PABPC4L: variants seen among roughly 807,000 people sequenced by gnomAD.
PABPC4L encodes polyadenylate-binding protein 4-like.
For synonymous variants in PABPC4L, 169 were observed against 164.1 expected (o/e 1.03, Z -0.23); for missense variants, 452 against 451.4 (o/e 1.00, Z -0.01).
the PABPC4L span, among the ~76,000 whole-genome samples, chr4:133,976,878 T>C: frequency 2.6e-5 from 4 of 151,974 alleles, no homozygotes; most frequent in Admixed American, 1.3e-4. Flanking sequence ...GTCAGATGGA[T>C]AGATTGCAAA....
chr4:134,180,619 GA>G, the PABPC4L span, among the ~76,000 whole-genome samples: 6 of 151,466 alleles, frequency 4.0e-5, no homozygotes, highest in African/African-American at 1.2e-4. Flanking sequence ...ATTAATGATA[GA>G]TAGACCTCTA....
chr4:134,166,589 A>T, the PABPC4L span, among the ~76,000 whole-genome samples: 15 of 152,250 alleles, frequency 9.9e-5, no homozygotes, highest in South Asian at 3.1e-3. Context: ...TGAGGGTTAC[A>T]GGGTCTACTT....
the PABPC4L span, among the ~76,000 whole-genome samples, chr4:134,004,247 TGAG>T: frequency 1.3e-5 from 2 of 151,722 alleles, no homozygotes; most frequent in African/African-American, 4.8e-5. Context: ...ATATGTCTAA[TGAG>T]GAGTTACTCC....
At chr4:133,962,494 A>C in the PABPC4L span, among the ~76,000 whole-genome samples, 5 of 152,244 alleles carry the variant, frequency 3.3e-5, no homozygotes, top group Admixed American at 3.3e-4. Flanking sequence ...AATGCTCTGC[A>C]AAGTCTCAGC....
chr4:134,079,259 C>T, the PABPC4L span, among the ~76,000 whole-genome samples: 1 of 151,102 alleles, frequency 6.6e-6, no homozygotes. Flanking sequence ...CTTGAGCCAC[C>T]ACAACCAACC....
At chr4:134,096,223 T>A in the PABPC4L span, among the ~76,000 whole-genome samples, 1 of 152,096 alleles carries the variant, frequency 6.6e-6, no homozygotes, top group South Asian at 2.1e-4. Flanking sequence ...ATGTCGGTTT[T>A]TTTCAAAGTA....
chr4:133,949,419 A>C, the PABPC4L span, among the ~76,000 whole-genome samples: 2 of 152,146 alleles, frequency 1.3e-5, no homozygotes, highest in Non-Finnish European at 2.9e-5. Context: ...GCCCCAACCA[A>C]TACTCGGGCT....
At chr4:134,192,193 G>C (rs1165571941), downstream of PABPC4L, among the ~76,000 whole-genome samples, 2 of 152,046 alleles carry the variant, frequency 1.3e-5, no homozygotes, top group African/African-American at 4.8e-5. Context: ...GTCATAAAGA[G>C]AAATTAAGTG....
the PABPC4L span, among the ~76,000 whole-genome samples, chr4:134,068,419 A>T: frequency 6.6e-6 from 1 of 152,068 alleles, no homozygotes; most frequent in African/African-American, 2.4e-5. Flanking sequence ...GTGTCGTTGC[A>T]TGGGAAACAG....
chr4:133,978,384 G>C, the PABPC4L span, among the ~76,000 whole-genome samples: 1 of 152,116 alleles, frequency 6.6e-6, no homozygotes, highest in Non-Finnish European at 1.5e-5. Flanking sequence ...AAGGCAAGAG[G>C]ATCACTTGAG....
the PABPC4L span, among the ~76,000 whole-genome samples, chr4:133,948,975 C>A: frequency 6.6e-6 from 1 of 152,154 alleles, no homozygotes; most frequent in Non-Finnish European, 1.5e-5. Flanking sequence ...TGGTGAATAG[C>A]CTGAGAGCTA....
chr4:133,991,248 G>T, the PABPC4L span, among the ~76,000 whole-genome samples: 1 of 152,126 alleles, frequency 6.6e-6, no homozygotes, highest in Non-Finnish European at 1.5e-5. Flanking sequence ...TGTTTGTTGG[G>T]TGTATAGACT....
the PABPC4L span, among the ~76,000 whole-genome samples, chr4:134,061,193 C>A: frequency 6.6e-6 from 1 of 151,646 alleles, no homozygotes; most frequent in South Asian, 2.1e-4. Context: ...TGTAACACAT[C>A]AATATATACC....
the PABPC4L span, among the ~76,000 whole-genome samples, chr4:134,005,508 T>C: frequency 6.6e-6 from 1 of 151,786 alleles, no homozygotes; most frequent in Admixed American, 6.6e-5. Context: ...GATGCAGAGA[T>C]TTTTTATAAG....
At chr4:134,118,615 A>T in the PABPC4L span, among the ~76,000 whole-genome samples, 1 of 151,858 alleles carries the variant, frequency 6.6e-6, no homozygotes, top group African/African-American at 2.4e-5. Context: ...AGGTAAAAAA[A>T]AAATCAATTT....
the PABPC4L span, among the ~76,000 whole-genome samples, chr4:134,147,726 AGTGTGT>A: frequency 1.4e-5 from 2 of 145,348 alleles, no homozygotes; most frequent in African/African-American, 2.6e-5. Flanking sequence ...CAGAAATTAC[AGTGTGT>A]GTGTGTGTGT....
chr4:134,096,796 T>A, the PABPC4L span, among the ~76,000 whole-genome samples: 1 of 151,992 alleles, frequency 6.6e-6, no homozygotes, highest in Non-Finnish European at 1.5e-5. Context: ...GTCAAATTTG[T>A]GCTTACATTT....
the PABPC4L span, among the ~76,000 whole-genome samples, chr4:133,977,128 A>G: frequency 5.9e-5 from 9 of 152,138 alleles, no homozygotes; most frequent in Non-Finnish European, 1.3e-4. Context: ...AATTTTCTGC[A>G]TATGGCTAGC....
the PABPC4L span, among the ~76,000 whole-genome samples, chr4:133,970,108 T>G: frequency 6.8e-6 from 1 of 147,942 alleles, no homozygotes; most frequent in Admixed American, 6.8e-5. Context: ...TATTTATTTA[T>G]ATAAAATATA....
Sources: allele counts gnomAD v4.1 joint callset (sites outside exome capture counted in the v4.1 genomes callset), GRCh38; gene constraint gnomAD v4.1.1; transcripts MANE v1.5; gene names NCBI Gene and HGNC (gene_info 2026-07-23, HGNC 2026-07-21).